CTNNA2: variants seen among roughly 807,000 people sequenced by gnomAD.
The protein encoded by CTNNA2 is catenin alpha 2.
In CTNNA2, 42 loss-of-function variants were observed where a neutral mutation model predicts 101.0. That is an observed-to-expected ratio of 0.42 (90% CI 0.32 to 0.54). The LOEUF (loss-of-function observed/expected upper bound fraction) is 0.54, where lower values mean the gene tolerates loss of function less well. Among genes scored for constraint, CTNNA2 ranks in the 20% least tolerant of loss-of-function variants. CTNNA2 has a pLI of 0.14. For synonymous variants in CTNNA2, 450 were observed against 456.4 expected (o/e 0.99, Z 0.18); for missense variants, 871 against 1,223.1 (o/e 0.71, Z 4.29).
intron 3 of CTNNA2, among the ~76,000 whole-genome samples, chr2:79,845,192 T>G (rs1306569338): frequency 1.4e-5 from 1 of 73,746 alleles, no homozygotes; most frequent in Non-Finnish European, 2.9e-5. Flanking sequence ...TTTTTTTTTT[T>G]GAATTTCTAA....
intron 7 of CTNNA2, among the ~76,000 whole-genome samples, chr2:80,009,995 C>G (rs1259371637): frequency 3.9e-5 from 6 of 152,152 alleles, no homozygotes; most frequent in African/African-American, 1.4e-4. Flanking sequence ...TACTCCTTCA[C>G]TGATAAAATT....
chr2:80,621,998 C>A (rs548745620), intron 18 of CTNNA2, among the ~76,000 whole-genome samples: 1 of 151,894 alleles, frequency 6.6e-6, no homozygotes, highest in African/African-American at 2.4e-5. Flanking sequence ...GACAGGGAAG[C>A]GTTCCAGGTC....
At chr2:80,568,058 G>A (rs1319643413) in intron 12 of CTNNA2, among the ~76,000 whole-genome samples, 1 of 152,108 alleles carries the variant, frequency 6.6e-6, no homozygotes, top group African/African-American at 2.4e-5. Flanking sequence ...GTGCTTGACT[G>A]GCCTTGGCGA....
At chr2:79,838,380 A>G (rs1405766377) in intron 3 of CTNNA2, among the ~76,000 whole-genome samples, 1 of 152,142 alleles carries the variant, frequency 6.6e-6, no homozygotes, top group Non-Finnish European at 1.5e-5. Context: ...AAAGAAGATG[A>G]CAGGTTTAGA....
At chr2:80,252,700 G>A (rs1351972819) in intron 7 of CTNNA2, among the ~76,000 whole-genome samples, 5 of 152,172 alleles carry the variant, frequency 3.3e-5, no homozygotes, top group Admixed American at 3.3e-4. Context: ...TCAGAAATAT[G>A]TCCTAGGTGC....
chr2:79,221,639 G>T lies in CTNNA2; in HGVS notation c.-406+23563G>T, dbSNP rs556731399. ...TTTAAAAAACTGACAAGTCTGTATTGTCTCCAGTAGCAAAGACTCACTAGC... is the reference window on the plus strand; with the variant it reads ...TTTAAAAAACTGACAAGTCTGTATTTTCTCCAGTAGCAAAGACTCACTAGC... On this transcript the variant is annotated intron_variant, in intron 2 of 21. Coordinates refer to the CTNNA2 transcript ENST00000466387. 1.3e-3 allele frequency among the ~76,000 whole-genome samples: 195 copies of T among 151,334 alleles called. 1 individual carries two copies. Among genetic ancestry groups the T allele is most frequent in the African/African-American group, 4.6e-3 (188 of 41,198 alleles).
chr2:79,206,042 C>T (rs1255042918), intron 2 of CTNNA2, among the ~76,000 whole-genome samples: 1 of 152,032 alleles, frequency 6.6e-6, no homozygotes, highest in African/African-American at 2.4e-5. Flanking sequence ...TTAAAACAGT[C>T]ATTAAATTGT....
At chr2:80,350,112 A>C (rs545290424) in intron 7 of CTNNA2, among the ~76,000 whole-genome samples, 9 of 152,302 alleles carry the variant, frequency 5.9e-5, no homozygotes, top group African/African-American at 9.6e-5. Flanking sequence ...GAGCAAGAGA[A>C]GGTATTCTTT....
chr2:80,288,347 G>C (rs942351833), intron 7 of CTNNA2: 1 of 152,106 alleles, frequency 6.6e-6, no homozygotes, highest in Non-Finnish European at 1.5e-5. Context: ...AATATCCCTA[G>C]GTGTTTCATT....
At chr2:80,185,707 TC>T (rs1412656642) in intron 7 of CTNNA2, among the ~76,000 whole-genome samples, 1 of 152,160 alleles carries the variant, frequency 6.6e-6, no homozygotes, top group Non-Finnish European at 1.5e-5. Context: ...TGTTAAATGA[TC>T]CTTTCTCAAA....
intron 2 of CTNNA2, among the ~76,000 whole-genome samples, chr2:79,674,737 A>T (rs766954935): frequency 3.9e-5 from 6 of 152,208 alleles, no homozygotes; most frequent in Non-Finnish European, 7.4e-5. Flanking sequence ...ACCAAAAAAT[A>T]CCTGTTATGT....
chr2:79,862,329 TG>T (rs971324421), intron 4 of CTNNA2, among the ~76,000 whole-genome samples: 4 of 150,098 alleles, frequency 2.7e-5, no homozygotes, highest in Non-Finnish European at 5.9e-5. Flanking sequence ...AATGTGGGGG[TG>T]GGGGGCATTG....
rs147121144 is a variant in CTNNA2, at chr2:80,058,075, C to G, written c.1056+148278C>G. The stretch of plus-strand genomic sequence containing the variant: ...AATAAGTATGTATAGTGAGTGGCCT[C>G]CAGAAGCAGCTGTTTAACTTTCTCC... On this transcript the variant is annotated intron_variant, in intron 7 of 18. Transcript: ENST00000402739. Among the ~76,000 whole-genome samples, 31 of 152,280 alleles carry G rather than the reference C, an allele frequency of 2.0e-4. 1 individual carries two copies. The highest frequency in any genetic ancestry group is 6.8e-3 in the Middle Eastern group (2 of 294).
Position 79,554,789 on chromosome 2 carries a change from TGAG to T in CTNNA2, c.-6+41586_-6+41588del, listed in dbSNP as rs1305217464. ...GAGGTTATTGTCATTATTTCATAAA[TGAG>T]GAGAATGGTGATACTTCCATGGTCA... On this transcript the variant is annotated intron_variant, in intron 1 of 18. Transcript: ENST00000402739. Among the ~76,000 whole-genome samples the T allele has an allele frequency of 3.9e-5, 6 of 152,192 alleles. No homozygotes were observed. The South Asian group carries it at 6.2e-4, about 16-fold the overall frequency.
intron 13 of CTNNA2, among the ~76,000 whole-genome samples, chr2:80,575,465 C>G (rs1304718973): frequency 1.3e-5 from 2 of 151,612 alleles, no homozygotes; most frequent in African/African-American, 2.4e-5. Flanking sequence ...GAGAGAGATG[C>G]CTAGAAATAT....
chr2:79,810,341 C>T (rs1676911987), intron 3 of CTNNA2, among the ~76,000 whole-genome samples: 1 of 151,932 alleles, frequency 6.6e-6, no homozygotes, highest in African/African-American at 2.4e-5. Flanking sequence ...CCCATAAAAC[C>T]ATTAGATCTC....
At chr2:79,936,483 C>A (rs564914173) in intron 7 of CTNNA2, among the ~76,000 whole-genome samples, 9 of 152,166 alleles carry the variant, frequency 5.9e-5, no homozygotes, top group African/African-American at 1.7e-4. Flanking sequence ...TGCCTGCAAC[C>A]GGCATCCTCT....
chr2:79,529,563 AT>A (rs1672617951), intron 1 of CTNNA2, among the ~76,000 whole-genome samples: 1 of 152,076 alleles, frequency 6.6e-6, no homozygotes, highest in South Asian at 2.1e-4. Flanking sequence ...CATTTTAAGT[AT>A]GGGATCTGCA....
chr2:79,708,577 A>G (rs998673600), intron 2 of CTNNA2, among the ~76,000 whole-genome samples: 1 of 152,184 alleles, frequency 6.6e-6, no homozygotes, highest in Non-Finnish European at 1.5e-5. Context: ...TAATCAGTAA[A>G]CTTTCATAAA....
Sources: gnomAD v4.1 joint callset for allele counts (sites outside exome capture counted in the v4.1 genomes callset) on GRCh38, gnomAD v4.1.1 for gene constraint, MANE v1.5 for transcripts, NCBI Gene and HGNC (gene_info 2026-07-23, HGNC 2026-07-21) for gene names.